The following MYO1E variants were observed in gnomAD, a reference collection of about 807,000 sequenced individuals.
The protein encoded by MYO1E is myosin IE.
A neutral mutation model predicts 151.1 loss-of-function variants in MYO1E; 68 were observed. That is an observed-to-expected ratio of 0.45 (90% confidence interval 0.37 to 0.55). The LOEUF is 0.55. Among genes scored for constraint, MYO1E ranks in the 20% least tolerant of loss-of-function variants. The probability of loss-of-function intolerance (pLI) is 0.00; values close to 1 mark genes in which losing one functional copy is unlikely to be tolerated. For synonymous variants in MYO1E, 601 were observed against 501.7 expected, an observed-to-expected ratio of 1.20 and a Z score of -2.64; for missense variants, 1,363 against 1,389.3, an observed-to-expected ratio of 0.98 and a Z score of 0.30.
chr15:59,340,751 T>C (rs914960267), intron 1 of MYO1E, among the ~76,000 whole-genome samples: 2 of 152,138 alleles, frequency 1.3e-5, no homozygotes, highest in East Asian at 3.9e-4. Flanking sequence ...CAGCCAGGCA[T>C]GGTGGCTCAT....
intron 2 of MYO1E, among the ~76,000 whole-genome samples, chr15:59,268,864 C>A (rs2080273583): frequency 6.6e-6 from 1 of 151,284 alleles, no homozygotes; most frequent in Non-Finnish European, 1.5e-5. Flanking sequence ...TGGGAGTAAA[C>A]AATCGTGATT....
At chr15:59,214,008 G>A (rs1031972240) in intron 12 of MYO1E, among the ~76,000 whole-genome samples, 1 of 152,162 alleles carries the variant, frequency 6.6e-6, no homozygotes, top group Admixed American at 6.5e-5. Context: ...CAACATCACA[G>A]CATCATTTGC....
chr15:59,213,590 C>A (rs1180975482), intron 12 of MYO1E, among the ~76,000 whole-genome samples: 1 of 152,048 alleles, frequency 6.6e-6, no homozygotes, highest in African/African-American at 2.4e-5. Context: ...TCCAGAGTAG[C>A]TGGGACTATA....
intron 25 of MYO1E, among the ~76,000 whole-genome samples, chr15:59,155,724 G>C (rs1465241789): frequency 6.6e-6 from 1 of 152,182 alleles, no homozygotes; most frequent in African/African-American, 2.4e-5. Context: ...AAGAAGAAAG[G>C]AGGAGACAGA....
intron 24 of MYO1E, among the ~76,000 whole-genome samples, chr15:59,160,336 C>CGT (rs55633634): frequency 0.054 from 6,499 of 119,980 alleles, 233 homozygotes; most frequent in Middle Eastern, 0.093. Context: ...TGAGGTAGTG[C>CGT]GTGTGTGTGT....
At chr15:59,162,838 T>C (rs1202062670) in intron 23 of MYO1E, among the ~76,000 whole-genome samples, 2 of 152,024 alleles carry the variant, frequency 1.3e-5, no homozygotes, top group Non-Finnish European at 2.9e-5. Context: ...TCCTGTCTGC[T>C]CTCCTAAATT....
At chr15:59,263,312 T>TA (rs879664773) in intron 2 of MYO1E, among the ~76,000 whole-genome samples, 6 of 151,586 alleles carry the variant, frequency 4.0e-5, no homozygotes, top group Non-Finnish European at 7.4e-5. Flanking sequence ...TTTACTTAAA[T>TA]AAAATAATTA....
rs939418294 is a variant in MYO1E at position 59,205,414 on chromosome 15, C to T, written c.1602G>A (p.Met534Ile). Residue 534 changes from methionine to isoleucine, a missense_variant, in exon 15 of 28, where the codon ATG (methionine) becomes ATA (isoleucine). Coordinates refer to ENST00000288235, the MANE Select transcript of MYO1E (RefSeq NM_004998.4). ...AACATACTTACAGCTCGCTGCTCTG[C>T]ATAAGCTCGATGAGATCCATAAAAA... is the stretch of plus-strand genomic sequence containing the variant. ...DVLFMDLIELMQSSELPFIKS... is the reference protein window; with the variant it reads ...DVLFMDLIELIQSSELPFIKS... The T allele has an allele frequency of 1.1e-5, 18 of 1,614,116 alleles. No homozygotes were observed. The highest frequency in any genetic ancestry group is 1.5e-5 in the Non-Finnish European group (18 of 1,180,008).
At chr15:59,184,938 T>C in intron 18 of MYO1E, among the ~76,000 whole-genome samples, 1 of 152,232 alleles carries the variant, frequency 6.6e-6, no homozygotes, top group East Asian at 1.9e-4. Flanking sequence ...CTCCACATTC[T>C]CGCCAGCATT....
intron 1 of MYO1E, among the ~76,000 whole-genome samples, chr15:59,294,463 T>C (rs77513804): frequency 0.029 from 4,476 of 152,264 alleles, 102 homozygotes; most frequent in Non-Finnish European, 0.044. Flanking sequence ...CCAAACCCCA[T>C]TGAACTTGGA....
intron 27 of MYO1E, 36 bp from the exon 28 acceptor site, chr15:59,137,492 GAA>G: frequency 6.3e-7 from 1 of 1,582,462 alleles, no homozygotes; most frequent in Non-Finnish European, 8.7e-7. Flanking sequence ...GTGAAGATGA[GAA>G]AGTCTGTTCT....
chr15:59,297,571 C>T (rs1477113157), intron 1 of MYO1E, among the ~76,000 whole-genome samples: 3 of 150,978 alleles, frequency 2.0e-5, no homozygotes, highest in Non-Finnish European at 4.4e-5. Flanking sequence ...GCCACCATGT[C>T]TGGCTTTTAA....
chr15:59,326,241 C>T (rs2080663234), intron 1 of MYO1E, among the ~76,000 whole-genome samples: 3 of 151,828 alleles, frequency 2.0e-5, no homozygotes, highest in South Asian at 2.1e-4. Flanking sequence ...TTGGGTGGGA[C>T]GGGCATGGTG....
At chr15:59,200,621 C>CA (rs1446375151) in intron 16 of MYO1E, among the ~76,000 whole-genome samples, 3 of 151,562 alleles carry the variant, frequency 2.0e-5, no homozygotes, top group African/African-American at 7.3e-5. Context: ...CCCAACTTTA[C>CA]AAAAAAGAAA....
intron 4 of MYO1E, among the ~76,000 whole-genome samples, chr15:59,250,013 G>T (rs1345920852): frequency 6.6e-6 from 1 of 151,956 alleles, no homozygotes; most frequent in East Asian, 1.9e-4. Flanking sequence ...GCTGCCCAGG[G>T]TCAGGTGAGC....
chr15:59,202,297 A>G, intron 16 of MYO1E, 29 bp downstream of exon 16: 2 of 1,595,634 alleles, frequency 1.3e-6, no homozygotes, highest in Non-Finnish European at 1.7e-6. Context: ...CCTTATAAGA[A>G]TCTATAAACT....
At chr15:59,286,987 A>T (rs1427462258) in intron 1 of MYO1E, among the ~76,000 whole-genome samples, 1 of 152,182 alleles carries the variant, frequency 6.6e-6, no homozygotes, top group East Asian at 1.9e-4. Flanking sequence ...ATGGCAGATC[A>T]GTGTCGCCAA....
chr15:59,228,094 A>AT (rs1472004148), intron 6 of MYO1E, among the ~76,000 whole-genome samples: 26 of 152,192 alleles, frequency 1.7e-4, no homozygotes, highest in African/African-American at 5.3e-4. Context: ...TGTCACTGTC[A>AT]TTGTTATGAA....
intron 23 of MYO1E, among the ~76,000 whole-genome samples, chr15:59,162,852 A>T (rs1422525307): frequency 6.6e-6 from 1 of 152,150 alleles, no homozygotes; most frequent in Non-Finnish European, 1.5e-5. Context: ...CTAAATTAAA[A>T]AAACCCTTTT....
Sources: gnomAD v4.1 joint callset for allele counts (sites outside exome capture counted in the v4.1 genomes callset) on GRCh38, gnomAD v4.1.1 for gene constraint, MANE v1.5 for transcripts, NCBI Gene and HGNC (gene_info 2026-07-23, HGNC 2026-07-21) for gene names.